NSD3: variants seen among roughly 807,000 people sequenced by gnomAD.
NSD3 encodes nuclear receptor binding SET domain protein 3, also known as histone-lysine N-methyltransferase NSD3.
NSD3 carries 24 observed loss-of-function variants against 160.8 expected under a neutral mutation model. The ratio of observed to expected loss-of-function variants is 0.15; its 90% CI spans 0.11 to 0.21. The LOEUF is 0.21. NSD3 is among the 10% of genes least tolerant of loss of function. The pLI is 1.00. For synonymous variants in NSD3, 520 were observed against 600.0 expected, an observed-to-expected ratio of 0.87 and a Z score of 1.95; for missense variants, 1,157 against 1,735.9, an observed-to-expected ratio of 0.67 and a Z score of 5.93.
At chr8:38,306,315 T>G (rs1809392112) in intron 12 of NSD3, among the ~76,000 whole-genome samples, 1 of 151,984 alleles carries the variant, frequency 6.6e-6, no homozygotes, top group African/African-American at 2.4e-5. Context: ...GACAGATTCC[T>G]AGAAAAAAAG....
intron 1 of NSD3, 89 bp from the exon 2 acceptor site, chr8:38,348,304 T>C: frequency 2.0e-6 from 2 of 1,013,390 alleles, no homozygotes; most frequent in East Asian, 5.2e-5. Flanking sequence ...CTAAAATGTT[T>C]TGAACTCAAT....
chr8:38,375,800 T>C (rs987939753), intron 1 of NSD3, among the ~76,000 whole-genome samples: 3 of 151,826 alleles, frequency 2.0e-5, no homozygotes, highest in Non-Finnish European at 4.4e-5. Context: ...CAAAAAATAA[T>C]AGACTGCTTT....
chr8:38,347,272 G>A (rs1424389140), intron 2 of NSD3, among the ~76,000 whole-genome samples: 5 of 152,124 alleles, frequency 3.3e-5, no homozygotes, highest in African/African-American at 9.7e-5. Flanking sequence ...AACATAAGCA[G>A]AAAGATTCGT....
chr8:38,371,384 T>G (rs1811239644), intron 1 of NSD3, among the ~76,000 whole-genome samples: 2 of 152,106 alleles, frequency 1.3e-5, no homozygotes, highest in Non-Finnish European at 2.9e-5. Flanking sequence ...GGTAATGACA[T>G]AGAAACCATG....
At chr8:38,372,152 G>C (rs1811260409) in intron 1 of NSD3, among the ~76,000 whole-genome samples, 1 of 152,142 alleles carries the variant, frequency 6.6e-6, no homozygotes, top group Admixed American at 6.5e-5. Context: ...GTTAAGCTAA[G>C]AAATTAACAA....
Position 38,319,202 on chromosome 8 carries a change from A to G in NSD3, c.1810-262T>C, listed in dbSNP as rs1262333603. 1 of 379,094 alleles carries G rather than the reference A, an allele frequency of 2.6e-6. No individual in the cohort carries two copies. The highest frequency in any genetic ancestry group is 4.7e-6 in the Non-Finnish European group (1 of 212,098). 23.5% of individuals were successfully genotyped at this position (379,094 alleles called of 1,614,324 possible). A position where few individuals can be genotyped will look rare whatever the true frequency, so the allele number is the denominator to read the frequency against. ...AGACTTTTCCCACCATTCCCTTGGT[A>G]TATGAAGAGAACAAGAATACTTTCC... On this transcript the variant is annotated intron_variant, in intron 8 of 23. Coordinates refer to ENST00000317025, the MANE Select transcript of NSD3 (RefSeq NM_023034.2). The surrounding 1 kb of genome is among the most constrained non-coding windows in gnomAD (Gnocchi z 4.1).
intron 1 of NSD3, among the ~76,000 whole-genome samples, chr8:38,353,579 A>G (rs994182749): frequency 1.3e-5 from 2 of 152,208 alleles, no homozygotes; most frequent in African/African-American, 4.8e-5. Flanking sequence ...TTTCAAACAC[A>G]AAAAGTTTTA....
intron 12 of NSD3, among the ~76,000 whole-genome samples, chr8:38,314,353 C>T (rs1158315179): frequency 6.6e-6 from 1 of 152,182 alleles, no homozygotes; most frequent in Non-Finnish European, 1.5e-5. Context: ...CCCCCAAAAT[C>T]TCAAATCCAT....
At position 38,288,701 on chromosome 8, in the gene NSD3, G is replaced by A. The variant is rs1808922086; in HGVS notation, c.3287C>T (p.Pro1096Leu). ...ATCAGCTGGCTTGCAGTTACAGCGG[G>A]GAATCTCTGACAGGTCAGCAACCTG... Reference protein sequence around the residue: ...QIQVADLSEIPRCNCKPADEN... With the variant: ...QIQVADLSEILRCNCKPADEN... Residue 1096 changes from proline to leucine, a missense_variant, in exon 19 of 24, where the codon CCC becomes CTC. Pro to Leu is a moderately conservative substitution (Grantham distance 98). Around this residue, in one of 10 missense-constraint regions of NSD3, gnomAD observed 437 missense variants for 576.6 expected, o/e 0.76. Coordinates refer to ENST00000317025, the MANE Select transcript of NSD3 (RefSeq NM_023034.2). The surrounding 1 kb of genome is among the most constrained non-coding windows in gnomAD (Gnocchi z 4.5). The A allele has an allele frequency of 6.2e-7, 1 of 1,614,154 alleles. No homozygotes were observed. The highest frequency in any genetic ancestry group is 8.5e-7 in the Non-Finnish European group (1 of 1,180,028).
intron 1 of NSD3, among the ~76,000 whole-genome samples, chr8:38,361,526 C>T (rs1445555769): frequency 6.0e-5 from 9 of 149,334 alleles, no homozygotes; most frequent in Non-Finnish European, 1.5e-5. Flanking sequence ...GAGGCCGAGG[C>T]GGGCGGATCA....
In NSD3 at chr8:38,321,235, TTAAGA is replaced by T; in HGVS notation, c.1709-68_1709-64del. The T allele has an allele frequency of 7.3e-7, 1 of 1,365,260 alleles. No homozygotes were observed. Among genetic ancestry groups the T allele is most frequent in the South Asian group, 1.3e-5 (1 of 77,598 alleles). The allele number at this position is 1,365,260 out of a possible 1,614,324, so 84.6% of individuals were successfully genotyped here. On this transcript the variant is annotated intron_variant, in intron 7 of 23. Transcript: ENST00000317025. The surrounding 1 kb of genome is among the most constrained non-coding windows in gnomAD (Gnocchi z 4.7). ...TAAGGATACCTTGACATCTATGTAATTAAGATATGACCACATTCCTTGCTTTTCTT... is the reference window on the plus strand; with the variant it reads ...TAAGGATACCTTGACATCTATGTAATTATGACCACATTCCTTGCTTTTCTT...
chr8:38,313,094 G>A (rs1202143797), intron 12 of NSD3, among the ~76,000 whole-genome samples: 2 of 152,206 alleles, frequency 1.3e-5, no homozygotes, highest in East Asian at 3.8e-4. Context: ...CTGTTCACAA[G>A]TTTTACTGCA....
chr8:38,312,693 T>C (rs950964054), intron 12 of NSD3, among the ~76,000 whole-genome samples: 2 of 152,172 alleles, frequency 1.3e-5, no homozygotes, highest in African/African-American at 4.8e-5. Context: ...CTCCTGCTTT[T>C]GCCATTTGAA....
rs370007995 is a variant in NSD3 at position 38,275,853 on chromosome 8, C to G, written c.4102G>C (p.Asp1368His). Residue 1368 changes from aspartate (D) to histidine (H), a missense_variant, in exon 24 of 24, where the codon GAT becomes CAT. Physicochemically the swap from Asp to His is moderately conservative, Grantham distance 81 (BLOSUM62 -1). Around this residue, in one of 10 missense-constraint regions of NSD3, gnomAD observed 222 missense variants for 409.9 expected, o/e 0.54. Coordinates refer to ENST00000317025, the MANE Select transcript of NSD3 (RefSeq NM_023034.2). ...GAAACAGCTGCACTGCTGCACTCAT[C>G]GCACTGATGCCACGGACACTCCCAC... ...GKWECPWHQCDECSSAAVSFC... is the reference protein window; with the variant it reads ...GKWECPWHQCHECSSAAVSFC... The G allele has an allele frequency of 4.3e-6, 7 of 1,614,024 alleles. No homozygotes were observed. The African/African-American group carries it at 9.3e-5, about 22-fold the overall frequency.
At chr8:38,294,962 T>C (rs1157075590) in intron 16 of NSD3, among the ~76,000 whole-genome samples, 1 of 150,582 alleles carries the variant, frequency 6.6e-6, no homozygotes, top group Non-Finnish European at 1.5e-5. Context: ...CCTAACACAG[T>C]GAAACCCCAT....
chr8:38,381,407 T>A (rs1376945109), intron 1 of NSD3, among the ~76,000 whole-genome samples: 1 of 151,906 alleles, frequency 6.6e-6, no homozygotes, highest in African/African-American at 2.4e-5. Context: ...ATCTCCCTAT[T>A]TATCAGTCCA....
Position 38,271,406 on chromosome 8 carries a change from C to T in NSD3, c.*4235G>A, listed in dbSNP as rs369702888. The T allele has an allele frequency of 8.6e-5, 13 of 152,004 alleles. No homozygotes were observed. The highest frequency in any genetic ancestry group is 2.0e-4 in the Admixed American group (3 of 15,276). The allele number at this position is 152,004 out of a possible 1,614,324, so 9.4% of individuals were successfully genotyped here. On this transcript the variant is annotated 3_prime_UTR_variant, in exon 24 of 24. Coordinates refer to ENST00000317025, the MANE Select transcript of NSD3 (RefSeq NM_023034.2). ...ACCTGTGGTAAACATTATCCCCCCC[C>T]TTACCCTTTACCAGGAGAAAGGGGG...
At chr8:38,354,942 T>G (rs1810788201) in intron 1 of NSD3, among the ~76,000 whole-genome samples, 1 of 152,156 alleles carries the variant, frequency 6.6e-6, no homozygotes. Context: ...AATACAACAA[T>G]GCAATCAAGA....
At chr8:38,327,365 T>G (rs571112199) in intron 6 of NSD3, among the ~76,000 whole-genome samples, 1 of 151,994 alleles carries the variant, frequency 6.6e-6, no homozygotes, top group African/African-American at 2.4e-5. Flanking sequence ...CAAAAAAAAT[T>G]TTTTTTTAAG....
Sources: allele counts gnomAD v4.1 joint callset (sites outside exome capture counted in the v4.1 genomes callset), GRCh38; gene constraint gnomAD v4.1.1; regional missense constraint gnomAD v4.1.1; non-coding constraint Gnocchi (gnomAD v3.1); transcripts MANE v1.5; gene names NCBI Gene and HGNC (gene_info 2026-07-23, HGNC 2026-07-21).